The following ARHGEF38 variants were observed in gnomAD, a reference collection of about 807,000 sequenced individuals.
The protein encoded by ARHGEF38 is Rho guanine nucleotide exchange factor 38.
A neutral mutation model predicts 79.9 loss-of-function variants in ARHGEF38; 79 were observed. The observed-to-expected ratio is 0.99, with a 90% CI of 0.82 to 1.19. ARHGEF38 has a LOEUF of 1.19. Among genes scored for constraint, ARHGEF38 ranks in the 50% most tolerant of loss-of-function variants. ARHGEF38 has a pLI of 0.00. For synonymous variants in ARHGEF38, 366 were observed against 328.3 expected, an observed-to-expected ratio of 1.11 and a Z score of -1.24; for missense variants, 962 against 907.2, an observed-to-expected ratio of 1.06 and a Z score of -0.78.
Position 105,648,628 on chromosome 4 carries a change from GA to G in ARHGEF38, c.957del (p.Lys319AsnfsTer5). On this transcript the variant is annotated frameshift_variant, in exon 7 of 14. Transcript: ENST00000420470. LOFTEE classifies it high-confidence loss of function. ...AACTAAATATTCATTCAATTAGCAA[GA>G]AATCAAAAAGAGTGACAAATCATCT... ...SKLNIHSISK[K>X]SKRVTNHLKI... 1 of 1,532,802 alleles carries G rather than the reference GA, an allele frequency of 6.5e-7. No homozygotes were observed. Among genetic ancestry groups the G allele is most frequent in the South Asian group, 1.2e-5 (1 of 83,496 alleles). The allele number at this position is 1,532,802 out of a possible 1,614,324, so 95.0% of individuals were successfully genotyped here. A position where few individuals can be genotyped will look rare whatever the true frequency, so the allele number is the denominator to read the frequency against.
intron 2 of ARHGEF38, among the ~76,000 whole-genome samples, chr4:105,607,485 C>T (rs779729752): frequency 2.0e-5 from 3 of 152,094 alleles, no homozygotes; most frequent in African/African-American, 4.8e-5. Context: ...TCCCCAGAAC[C>T]GTGTTAGACA....
At chr4:105,672,378 T>C (rs1730984712) in intron 13 of ARHGEF38, among the ~76,000 whole-genome samples, 2 of 152,310 alleles carry the variant, frequency 1.3e-5, no homozygotes, top group South Asian at 4.1e-4. Context: ...CAAATTATAT[T>C]CTGGAGCCTT....
chr4:105,617,707 T>C (rs1578316428), intron 3 of ARHGEF38, among the ~76,000 whole-genome samples: 1 of 152,186 alleles, frequency 6.6e-6, no homozygotes, highest in Admixed American at 6.5e-5. Flanking sequence ...AACTTCAATT[T>C]TTAATCTTTA....
Position 105,680,047 on chromosome 4 carries a change from G to A in ARHGEF38, c.*2110G>A, listed in dbSNP as rs1731256697. ...CAGTTACATTCTTCTTCGTCTCACA[G>A]AAAATAATAGCCCTCCCTTCAGATC... is the stretch of plus-strand genomic sequence containing the variant. On this transcript the variant is annotated 3_prime_UTR_variant, in exon 14 of 14. Transcript: ENST00000420470. 9 of 833,428 alleles carry A rather than the reference G, an allele frequency of 1.1e-5. No individual in the cohort carries two copies. Among genetic ancestry groups the A allele is most frequent in the East Asian group, 2.5e-5 (1 of 40,660 alleles). 51.6% of individuals were successfully genotyped at this position (833,428 alleles called of 1,614,324 possible). A position where few individuals can be genotyped will look rare whatever the true frequency, so the allele number is the denominator to read the frequency against.
intron 2 of ARHGEF38, among the ~76,000 whole-genome samples, chr4:105,609,295 A>G (rs937671750): frequency 1.3e-5 from 2 of 152,024 alleles, no homozygotes; most frequent in African/African-American, 4.8e-5. Flanking sequence ...CTGAAAATCA[A>G]TCAACTGTAA....
chr4:105,620,215 G>T, intron 3 of ARHGEF38, among the ~76,000 whole-genome samples: 1 of 152,192 alleles, frequency 6.6e-6, no homozygotes, highest in East Asian at 1.9e-4. Flanking sequence ...AGTATGAAAT[G>T]TGGCTCTTGT....
intron 6 of ARHGEF38, among the ~76,000 whole-genome samples, chr4:105,647,148 T>C (rs569074435): frequency 3.9e-5 from 6 of 152,292 alleles, no homozygotes; most frequent in East Asian, 3.9e-4. Context: ...TTTTTCTGTT[T>C]GCTTAAACTA....
chr4:105,572,788 T>G (rs1219794644), intron 1 of ARHGEF38, among the ~76,000 whole-genome samples: 1 of 152,212 alleles, frequency 6.6e-6, no homozygotes, highest in Non-Finnish European at 1.5e-5. Flanking sequence ...TATTTATCCA[T>G]TAATGGATAC....
At chr4:105,667,350 C>G (rs1374386873) in intron 12 of ARHGEF38, 23 bp downstream of exon 12, 3 of 1,534,894 alleles carry the variant, frequency 2.0e-6, no homozygotes, top group Admixed American at 2.0e-5. Context: ...CCAGAACTAC[C>G]ACTCTTCTTT....
chr4:105,627,527 C>A (rs1382545013), intron 3 of ARHGEF38, among the ~76,000 whole-genome samples: 1 of 152,136 alleles, frequency 6.6e-6, no homozygotes, highest in African/African-American at 2.4e-5. Context: ...ACTAAGGGGA[C>A]TTAAAAGGGT....
chr4:105,556,015 A>T (rs1253383520), intron 1 of ARHGEF38, among the ~76,000 whole-genome samples: 2 of 152,218 alleles, frequency 1.3e-5, no homozygotes, highest in Non-Finnish European at 2.9e-5. Context: ...ACATCAACAT[A>T]GTCATTCCTA....
chr4:105,554,467 T>A (rs934901221), intron 1 of ARHGEF38, among the ~76,000 whole-genome samples: 1 of 152,242 alleles, frequency 6.6e-6, no homozygotes, highest in Non-Finnish European at 1.5e-5. Flanking sequence ...TTTGGTTTGC[T>A]GTTCCAGCAT....
Position 105,613,438 on chromosome 4 carries a change from A to G in ARHGEF38, c.439A>G (p.Ile147Val). The G allele has an allele frequency of 1.2e-6, 2 of 1,613,470 alleles. No homozygotes were observed. Among genetic ancestry groups the G allele is most frequent in the South Asian group, 1.1e-5 (1 of 91,010 alleles). ...LFSNIESVHQ[I>V]SAKLLSLLEE... ...TAGCAACATTGAGTCCGTGCATCAGATATCAGCCAAGCTGCTGTCATTGTT... is the reference window on the plus strand; with the variant it reads ...TAGCAACATTGAGTCCGTGCATCAGGTATCAGCCAAGCTGCTGTCATTGTT... The change falls in exon 3 of 14, where the codon ATA (isoleucine) becomes GTA (valine). Residue 147 changes from isoleucine to valine, a missense_variant. Coordinates refer to ENST00000420470, the MANE Select transcript of ARHGEF38 (RefSeq NM_001242729.2).
Position 105,610,603 on chromosome 4 carries a change from ATTTG to A in ARHGEF38, c.385-2774_385-2771del, listed in dbSNP as rs572886024. On this transcript the variant is annotated intron_variant, in intron 2 of 13. Transcript: ENST00000420470. ...TTTTAAAAGTCTACGTGTACCAGAC[ATTTG>A]TTTGTTCCTTGGCATAGCAATGATT... 9.2e-5 allele frequency among the ~76,000 whole-genome samples: 14 copies of A among 152,182 alleles called. No individual in the cohort carries two copies. In the South Asian group the frequency reaches 2.9e-3, roughly 32 times the overall value.
intron 13 of ARHGEF38, among the ~76,000 whole-genome samples, chr4:105,674,539 G>A (rs1202031455): frequency 6.6e-6 from 1 of 151,952 alleles, no homozygotes; most frequent in African/African-American, 2.4e-5. Context: ...TAACATTAAG[G>A]AGACTAAAAA....
intron 7 of ARHGEF38, 137 bp downstream of exon 7, chr4:105,648,819 CCT>C (rs71586108): frequency 0.072 from 33,626 of 469,410 alleles, 2 homozygotes; most frequent in East Asian, 0.14. Context: ...CTCTTGTCTC[CCT>C]CTCTCTCTCT....
At chr4:105,562,756 A>T (rs749637681) in intron 1 of ARHGEF38, among the ~76,000 whole-genome samples, 1 of 152,332 alleles carries the variant, frequency 6.6e-6, no homozygotes, top group Non-Finnish European at 1.5e-5. Flanking sequence ...CCTGAAGTAT[A>T]CTGCAAATTG....
At chr4:105,572,213 C>T (rs947243235) in intron 1 of ARHGEF38, among the ~76,000 whole-genome samples, 4 of 152,010 alleles carry the variant, frequency 2.6e-5, no homozygotes, top group African/African-American at 9.7e-5. Context: ...AATTTTAAAA[C>T]ATGACTTCTT....
chr4:105,679,766 CAT>C lies in ARHGEF38; in HGVS notation c.*1833_*1834del, dbSNP rs534729937. On this transcript the variant is annotated 3_prime_UTR_variant, in exon 14 of 14. Transcript: ENST00000420470. The stretch of plus-strand genomic sequence containing the variant: ...TGACCTTTCTCTTGGTTGATAAAAA[CAT>C]ATACAAACCCCTGTCTGTCCAGCTT... The C allele has an allele frequency of 3.6e-4, 340 of 936,884 alleles. No homozygotes were observed. In the African/African-American group the frequency reaches 4.6e-3, roughly 13 times the overall value. 58.0% of individuals were successfully genotyped at this position (936,884 alleles called of 1,614,324 possible). A position where few individuals can be genotyped will look rare whatever the true frequency, so the allele number is the denominator to read the frequency against.
Sources: gnomAD v4.1 joint callset for allele counts (sites outside exome capture counted in the v4.1 genomes callset) on GRCh38, gnomAD v4.1.1 for gene constraint, MANE v1.5 for transcripts, NCBI Gene and HGNC (gene_info 2026-07-23, HGNC 2026-07-21) for gene names.